The following MYO5B variants were observed in gnomAD, a reference collection of about 807,000 sequenced individuals.
MYO5B encodes the protein unconventional myosin-Vb.
In MYO5B, 143 loss-of-function variants were observed where a neutral mutation model predicts 229.3. That is an observed-to-expected ratio of 0.62 (90% CI 0.54 to 0.72). The LOEUF (loss-of-function observed/expected upper bound fraction) is 0.72, where lower values mean the gene tolerates loss of function less well. Among genes scored for constraint, MYO5B ranks in the 30% least tolerant of loss-of-function variants. The probability of loss-of-function intolerance (pLI) is 0.00; values close to 1 mark genes in which losing one functional copy is unlikely to be tolerated. For synonymous variants in MYO5B, 918 were observed against 885.2 expected, an observed-to-expected ratio of 1.04 and a Z score of -0.66; for missense variants, 2,321 against 2,331.0, an observed-to-expected ratio of 1.00 and a Z score of 0.09.
chr18:50,063,679 A>G (rs1026671500), intron 1 of MYO5B: 1 of 152,216 alleles, frequency 6.6e-6, no homozygotes, highest in Non-Finnish European at 1.5e-5. Context: ...AAATGAAACA[A>G]AAGTCAATTA....
intron 1 of MYO5B, among the ~76,000 whole-genome samples, chr18:50,188,362 C>T (rs865808672): frequency 2.0e-5 from 3 of 152,242 alleles, no homozygotes; most frequent in Middle Eastern, 6.8e-3. Flanking sequence ...CTACAAAATG[C>T]CTGTAACTTG....
At chr18:50,065,291 G>A (rs1184899117) in intron 1 of MYO5B, among the ~76,000 whole-genome samples, 1 of 152,156 alleles carries the variant, frequency 6.6e-6, no homozygotes, top group Admixed American at 6.5e-5. Flanking sequence ...GAGGTGCTGG[G>A]CACAGTGAAG....
intron 4 of MYO5B, among the ~76,000 whole-genome samples, chr18:50,016,716 C>T (rs893468341): frequency 6.6e-6 from 1 of 152,124 alleles, no homozygotes; most frequent in South Asian, 2.1e-4. Flanking sequence ...TTCAAAGGTG[C>T]TTACAGAGTT....
At chr18:50,089,413 CA>C in intron 1 of MYO5B, among the ~76,000 whole-genome samples, 1 of 152,040 alleles carries the variant, frequency 6.6e-6, no homozygotes. Flanking sequence ...AACCTTTTAT[CA>C]AGGGTGAGAG....
At chr18:49,941,160 T>G (rs980794296) in intron 14 of MYO5B, among the ~76,000 whole-genome samples, 1 of 152,216 alleles carries the variant, frequency 6.6e-6, no homozygotes, top group Non-Finnish European at 1.5e-5. Context: ...CTCACACTCC[T>G]CATTTCTCAC....
chr18:49,827,709 A>C (rs766659699), intron 39 of MYO5B, among the ~76,000 whole-genome samples: 1 of 152,196 alleles, frequency 6.6e-6, no homozygotes, highest in Non-Finnish European at 1.5e-5. Flanking sequence ...CAACATACAC[A>C]TTACAGGAGT....
chr18:49,999,797 C>A (rs546125086), intron 5 of MYO5B, among the ~76,000 whole-genome samples: 8 of 152,194 alleles, frequency 5.3e-5, no homozygotes, highest in Non-Finnish European at 1.0e-4. Flanking sequence ...CCTCCCAGAC[C>A]CCTTCTGAAT....
chr18:50,008,023 G>A (rs914345724), intron 4 of MYO5B, among the ~76,000 whole-genome samples: 1 of 152,078 alleles, frequency 6.6e-6, no homozygotes, highest in South Asian at 2.1e-4. Flanking sequence ...GGTTATGCTG[G>A]TGGAATTATA....
chr18:49,932,094 C>A (rs8086557), intron 16 of MYO5B, among the ~76,000 whole-genome samples: 1 of 151,870 alleles, frequency 6.6e-6, no homozygotes, highest in African/African-American at 2.4e-5. Context: ...CCTCATGGTA[C>A]TAATAAAATG....
At chr18:49,953,712 G>C (rs796946928) in intron 13 of MYO5B, among the ~76,000 whole-genome samples, 4 of 152,244 alleles carry the variant, frequency 2.6e-5, no homozygotes, top group African/African-American at 9.6e-5. Flanking sequence ...ATAGCAAACA[G>C]AAATCCACTT....
intron 14 of MYO5B, among the ~76,000 whole-genome samples, chr18:49,949,501 G>A (rs1598905470): frequency 1.3e-5 from 2 of 152,268 alleles, no homozygotes; most frequent in East Asian, 3.9e-4. Flanking sequence ...AATGGAACTG[G>A]CTTCACTAAT....
At chr18:50,178,244 T>A (rs1229702079) in intron 1 of MYO5B, among the ~76,000 whole-genome samples, 1 of 152,120 alleles carries the variant, frequency 6.6e-6, no homozygotes, top group East Asian at 1.9e-4. Flanking sequence ...TCACCACCAA[T>A]GCTCCCAGCC....
chr18:49,968,358 CAA>C (rs753600945), intron 10 of MYO5B, among the ~76,000 whole-genome samples: 25 of 152,342 alleles, frequency 1.6e-4, no homozygotes, highest in Non-Finnish European at 3.1e-4. Context: ...CTCAAAATTA[CAA>C]AGTTTTTCAG....
chr18:50,174,384 ACAG>A (rs1402314603), intron 1 of MYO5B, among the ~76,000 whole-genome samples: 1 of 152,098 alleles, frequency 6.6e-6, no homozygotes, highest in Non-Finnish European at 1.5e-5. Context: ...CTGAGAAGGT[ACAG>A]CACCAACACC....
At chr18:50,162,639 C>T (rs954396842) in intron 1 of MYO5B, among the ~76,000 whole-genome samples, 10 of 152,232 alleles carry the variant, frequency 6.6e-5, no homozygotes, top group African/African-American at 2.4e-4. Flanking sequence ...AGCCCTCGAC[C>T]ACATCACATT....
At chr18:49,976,832 C>T (rs1246532898) in intron 9 of MYO5B, among the ~76,000 whole-genome samples, 2 of 152,218 alleles carry the variant, frequency 1.3e-5, no homozygotes, top group Admixed American at 6.5e-5. Context: ...CTCCCCTAAA[C>T]ATAAAGCCAT....
chr18:49,920,126 A>C (rs1231627885), intron 17 of MYO5B, among the ~76,000 whole-genome samples: 2 of 152,232 alleles, frequency 1.3e-5, no homozygotes, highest in Non-Finnish European at 2.9e-5. Flanking sequence ...ATAGAAATAG[A>C]AAGTAGGTTA....
intron 4 of MYO5B, among the ~76,000 whole-genome samples, chr18:50,013,171 C>T (rs1371530665): frequency 6.6e-6 from 1 of 152,140 alleles, no homozygotes; most frequent in African/African-American, 2.4e-5. Flanking sequence ...AGAAAAGACC[C>T]AATAATGAAA....
intron 1 of MYO5B, among the ~76,000 whole-genome samples, chr18:50,193,819 G>C (rs8084741): frequency 0.46 from 70,441 of 152,170 alleles, 17,566 homozygotes; most frequent in Non-Finnish European, 0.55. Context: ...ACTGACTCCA[G>C]GTTGAAACTC....
Sources: allele counts gnomAD v4.1 joint callset (sites outside exome capture counted in the v4.1 genomes callset), GRCh38; gene constraint gnomAD v4.1.1; transcripts MANE v1.5; gene names NCBI Gene and HGNC (gene_info 2026-07-23, HGNC 2026-07-21).